The following PCDH7 variants were observed in gnomAD, a reference collection of about 807,000 sequenced individuals.
PCDH7 encodes the protein protocadherin-7.
In PCDH7, 17 loss-of-function variants were observed where a neutral mutation model predicts 58.9. The observed-to-expected ratio is 0.29, with a 90% CI of 0.20 to 0.43. PCDH7 has a LOEUF of 0.43. PCDH7 is among the 20% of genes least tolerant of loss of function. The probability of loss-of-function intolerance (pLI) is 1.00; values close to 1 mark genes in which losing one functional copy is unlikely to be tolerated. For synonymous variants in PCDH7, 664 were observed against 616.4 expected (o/e 1.08, Z -1.14); for missense variants, 1,274 against 1,441.0 (o/e 0.88, Z 1.88).
At chr4:30,760,939 A>G (rs924447146) in intron 1 of PCDH7, among the ~76,000 whole-genome samples, 8 of 152,246 alleles carry the variant, frequency 5.3e-5, no homozygotes, top group African/African-American at 1.9e-4. Flanking sequence ...ACCCTGCATT[A>G]AGAAAGACCC....
chr4:31,015,535 A>C (rs1317103613), intron 3 of PCDH7, among the ~76,000 whole-genome samples: 1 of 152,158 alleles, frequency 6.6e-6, no homozygotes, highest in Non-Finnish European at 1.5e-5. Flanking sequence ...GACACGTCAA[A>C]TCCTTGCACC....
intron 3 of PCDH7, among the ~76,000 whole-genome samples, chr4:31,002,232 G>A (rs1284791982): frequency 6.6e-6 from 1 of 152,082 alleles, no homozygotes; most frequent in Non-Finnish European, 1.5e-5. Flanking sequence ...TGTAATTCTG[G>A]GGGTATATTA....
At chr4:31,005,305 TCA>T (rs1451544227) in intron 3 of PCDH7, among the ~76,000 whole-genome samples, 2 of 152,130 alleles carry the variant, frequency 1.3e-5, no homozygotes, top group Non-Finnish European at 2.9e-5. Context: ...CTTTCCCCAG[TCA>T]CAGAGTTTAA....
intron 1 of PCDH7, among the ~76,000 whole-genome samples, chr4:30,813,842 A>T (rs975982500): frequency 2.6e-5 from 4 of 152,118 alleles, no homozygotes; most frequent in Non-Finnish European, 5.9e-5. Flanking sequence ...CGGTTTGACC[A>T]TGTTGGCCAG....
chr4:30,973,242 A>G (rs2109475540), intron 3 of PCDH7, among the ~76,000 whole-genome samples: 1 of 152,314 alleles, frequency 6.6e-6, no homozygotes, highest in South Asian at 2.1e-4. Flanking sequence ...GGAGGATGAA[A>G]GGTACTACAA....
At chr4:30,737,405 C>A (rs1462524727), downstream of PCDH7, among the ~76,000 whole-genome samples, 1 of 152,108 alleles carries the variant, frequency 6.6e-6, no homozygotes, top group Admixed American at 6.5e-5. Context: ...GTAATGTCAA[C>A]ACTTTGAGAG....
chr4:30,872,639 C>T (rs1735769818), intron 1 of PCDH7, among the ~76,000 whole-genome samples: 1 of 152,018 alleles, frequency 6.6e-6, no homozygotes, highest in Non-Finnish European at 1.5e-5. Flanking sequence ...TTCAATCCCT[C>T]ATCAATAAAA....
intron 3 of PCDH7, among the ~76,000 whole-genome samples, chr4:31,017,868 G>T (rs188887964): frequency 1.5e-4 from 23 of 152,158 alleles, no homozygotes; most frequent in African/African-American, 5.5e-4. Flanking sequence ...CATTCAAGTG[G>T]CATTACTAAT....
At chr4:30,753,665 T>C (rs897361069) in intron 1 of PCDH7, among the ~76,000 whole-genome samples, 4 of 152,216 alleles carry the variant, frequency 2.6e-5, no homozygotes, top group Non-Finnish European at 5.9e-5. Context: ...TAAATATTTA[T>C]TAAACCCCTT....
At chr4:30,813,095 T>A (rs1256706986) in intron 1 of PCDH7, among the ~76,000 whole-genome samples, 1 of 152,214 alleles carries the variant, frequency 6.6e-6, no homozygotes, top group Non-Finnish European at 1.5e-5. Context: ...AATAAAAGCC[T>A]GTGCCTGTGT....
chr4:31,068,028 T>G (rs191910785), intron 3 of PCDH7, among the ~76,000 whole-genome samples: 1 of 152,010 alleles, frequency 6.6e-6, no homozygotes, highest in South Asian at 2.1e-4. Flanking sequence ...CATGAGCTTA[T>G]AGTTTAATGC....
chr4:30,730,811 C>T (rs2109237248), exon 2 of PCDH7: 1 of 1,603,282 alleles, frequency 6.2e-7, no homozygotes, highest in Non-Finnish European at 8.5e-7. Context: ...TATGATGCTC[C>T]ATTATGCACC....
chr4:30,869,875 G>T (rs1005434688), intron 1 of PCDH7, among the ~76,000 whole-genome samples: 4 of 152,114 alleles, frequency 2.6e-5, no homozygotes, highest in Non-Finnish European at 4.4e-5. Flanking sequence ...TTCCACAATG[G>T]TTGAACTAAT....
intron 1 of PCDH7, among the ~76,000 whole-genome samples, chr4:30,887,661 G>T (rs1738004297): frequency 6.6e-6 from 1 of 152,078 alleles, no homozygotes; most frequent in Non-Finnish European, 1.5e-5. Flanking sequence ...AAATAATTTT[G>T]TTGATTTATT....
intron 3 of PCDH7, among the ~76,000 whole-genome samples, chr4:30,984,434 C>T (rs142023154): frequency 4.6e-5 from 7 of 152,170 alleles, no homozygotes; most frequent in African/African-American, 1.4e-4. Flanking sequence ...TCCTTGGGAA[C>T]GTTTTCTCCC....
At chr4:31,017,758 A>C in intron 3 of PCDH7, among the ~76,000 whole-genome samples, 1 of 110,804 alleles carries the variant, frequency 9.0e-6, no homozygotes, top group South Asian at 2.2e-4. Flanking sequence ...CAAGGCGGGG[A>C]TAGATAAAGA....
Position 30,765,125 on chromosome 4 carries a change from CTTTTTTTTTTTT to C in PCDH7, c.70+40544_70+40555del, listed in dbSNP as rs10692198. Among the ~76,000 whole-genome samples the C allele has an allele frequency of 6.7e-4, 33 of 49,196 alleles. 3 individuals carry two copies. The highest frequency in any genetic ancestry group is 2.2e-3 in the African/African-American group (29 of 13,258). The allele number at this position is 49,196 out of a possible 152,430, so 32.3% of individuals were successfully genotyped here. On this transcript the variant is annotated intron_variant, in intron 1 of 3. Coordinates refer to the PCDH7 transcript ENST00000509759. ...GGAAAGAGAGATAGGACTTCAGATGCTTTTTTTTTTTTTTTTTTTTTTTTTTAAGAAGGAAAG... is the reference window on the plus strand; with the variant it reads ...GGAAAGAGAGATAGGACTTCAGATGCTTTTTTTTTTTTTTAAGAAGGAAAG...
At position 30,960,654 on chromosome 4, in the gene PCDH7, CA is replaced by C. The variant is rs528851539; in HGVS notation, c.*7+10443del. ...TATTAATTCTAAAATATTAGTTAAC[CA>C]AAATATTATTTACCTTCTTTTGAGT... On this transcript the variant is annotated intron_variant, in intron 3 of 3. Transcript: ENST00000509759. Among the ~76,000 whole-genome samples, 30 of 152,144 alleles carry C rather than the reference CA, an allele frequency of 2.0e-4. No individual in the cohort carries two copies. In the South Asian group the frequency reaches 4.2e-3, roughly 21 times the overall value.
At chr4:31,136,927 C>T (rs1419639105) in intron 3 of PCDH7, among the ~76,000 whole-genome samples, 4 of 151,964 alleles carry the variant, frequency 2.6e-5, no homozygotes, top group Admixed American at 2.0e-4. Context: ...TTTTCTCAGC[C>T]CTATCATATA....
Sources: gnomAD v4.1 joint callset for allele counts (sites outside exome capture counted in the v4.1 genomes callset) on GRCh38, gnomAD v4.1.1 for gene constraint, MANE v1.5 for transcripts, NCBI Gene and HGNC (gene_info 2026-07-23, HGNC 2026-07-21) for gene names.